MEIS1: variants seen among roughly 807,000 people sequenced by gnomAD.
The protein encoded by MEIS1 is Meis homeobox 1.
Under a neutral mutation model 50.8 loss-of-function variants are expected in MEIS1, and 5 were observed. That is an observed-to-expected ratio of 0.10 (90% CI 0.05 to 0.21). The LOEUF is 0.21. Ranked by LOEUF, MEIS1 falls within the 10% of genes least tolerant of loss-of-function variation. MEIS1 has a pLI of 1.00. For synonymous variants in MEIS1, 176 were observed against 179.3 expected, an observed-to-expected ratio of 0.98 and a Z score of 0.15; for missense variants, 318 against 517.3, an observed-to-expected ratio of 0.61 and a Z score of 3.74.
At chr2:66,547,885 A>G (rs367929915) in intron 8 of MEIS1, 58 bp from the exon 9 acceptor site, 536 of 1,549,780 alleles carry the variant, frequency 3.5e-4, no homozygotes, top group South Asian at 1.8e-3. Context: ...CACTTAGGCT[A>G]TTGACAAAAT....
At chr2:66,547,382 C>T (rs962538086) in intron 8 of MEIS1, among the ~76,000 whole-genome samples, 1 of 152,014 alleles carries the variant, frequency 6.6e-6, no homozygotes, top group African/African-American at 2.4e-5. Context: ...TGGAAACCAA[C>T]ATTGGTGAAT....
chr2:66,502,370 C>T (rs1673579585), intron 7 of MEIS1, among the ~76,000 whole-genome samples: 1 of 152,144 alleles, frequency 6.6e-6, no homozygotes, highest in Non-Finnish European at 1.5e-5. Context: ...ATTAAAAAAA[C>T]AAATCCCAAT....
intron 7 of MEIS1, among the ~76,000 whole-genome samples, chr2:66,501,585 C>A (rs1673558549): frequency 6.9e-6 from 1 of 145,160 alleles, no homozygotes; most frequent in Admixed American, 6.9e-5. Context: ...GAATTCAAGT[C>A]AAAAAGTAAT....
At chr2:66,450,673 T>C (rs576512943) in intron 6 of MEIS1, among the ~76,000 whole-genome samples, 35 of 152,230 alleles carry the variant, frequency 2.3e-4, no homozygotes, top group African/African-American at 7.7e-4. Flanking sequence ...TTAGAAGATA[T>C]CAGTAAATAA....
intron 6 of MEIS1, among the ~76,000 whole-genome samples, chr2:66,456,109 T>C (rs1029380885): frequency 2.0e-5 from 3 of 152,180 alleles, no homozygotes; most frequent in African/African-American, 7.2e-5. Flanking sequence ...GATTCAATGT[T>C]TGAAAAATTA....
intron 7 of MEIS1, among the ~76,000 whole-genome samples, chr2:66,472,872 A>G (rs1378406947): frequency 2.6e-5 from 4 of 152,212 alleles, no homozygotes; most frequent in Non-Finnish European, 5.9e-5. Context: ...CACCGCCATT[A>G]GTCACCTGGC....
intron 6 of MEIS1, among the ~76,000 whole-genome samples, chr2:66,447,366 G>C (rs1246607679): frequency 6.6e-6 from 1 of 152,222 alleles, no homozygotes; most frequent in Non-Finnish European, 1.5e-5. Flanking sequence ...GGACTTGCAA[G>C]TGATAAAGTC....
At chr2:66,461,850 A>G (rs926615472) in intron 6 of MEIS1, 2 of 470,658 alleles carry the variant, frequency 4.2e-6, no homozygotes, top group African/African-American at 4.0e-5. Context: ...TTCATGGTGA[A>G]TTAAGTGGTG....
At chr2:66,494,676 A>T (rs2103814340) in intron 7 of MEIS1, among the ~76,000 whole-genome samples, 1 of 152,314 alleles carries the variant, frequency 6.6e-6, no homozygotes, top group Middle Eastern at 3.4e-3. Context: ...ATAGTCAGGG[A>T]ATGTTTTACA....
At chr2:66,553,410 A>G (rs1022373112) in intron 9 of MEIS1, among the ~76,000 whole-genome samples, 3 of 152,236 alleles carry the variant, frequency 2.0e-5, no homozygotes, top group Non-Finnish European at 4.4e-5. Context: ...AATTCTAATA[A>G]TATTACCTTT....
chr2:66,437,883 A>G lies in MEIS1; in HGVS notation c.159A>G (p.Thr53=). The G allele has an allele frequency of 6.2e-7, 1 of 1,611,912 alleles. No individual in the cohort carries two copies. Among genetic ancestry groups the G allele is most frequent in the Non-Finnish European group, 8.5e-7 (1 of 1,178,946 alleles). The change falls in exon 2 of 13, where the codon ACA becomes ACG. Residue 53 remains threonine, a synonymous_variant. Coordinates refer to ENST00000272369, the MANE Select transcript of MEIS1 (RefSeq NM_002398.3). Reference sequence around the variant, plus strand: ...TGCACTCGCATCAGTACCCGCACACAGCTCATACCAACGCCATGGCCCCCA... The same window carrying G: ...TGCACTCGCATCAGTACCCGCACACGGCTCATACCAACGCCATGGCCCCCA... ...PPLHSHQYPH[T]AHTNAMAPSM... is the part of the protein sequence containing the mutation.
intron 7 of MEIS1, among the ~76,000 whole-genome samples, chr2:66,501,627 CA>C (rs1673559516): frequency 6.9e-6 from 1 of 145,830 alleles, no homozygotes; most frequent in Non-Finnish European, 1.5e-5. Flanking sequence ...ATTCCTATCT[CA>C]AAAGAACAAA....
At chr2:66,489,381 ACT>A (rs747603904) in intron 7 of MEIS1, among the ~76,000 whole-genome samples, 2 of 152,102 alleles carry the variant, frequency 1.3e-5, no homozygotes, top group African/African-American at 4.8e-5. Flanking sequence ...TAGTTGAAAC[ACT>A]CTATATTTCA....
At chr2:66,459,020 G>A (rs192516820) in intron 6 of MEIS1, among the ~76,000 whole-genome samples, 107 of 152,290 alleles carry the variant, frequency 7.0e-4, no homozygotes, top group African/African-American at 2.5e-3. Context: ...TAGAATTGTA[G>A]ACAGGCACAG....
In MEIS1 at chr2:66,510,365, T is replaced by A. The variant is rs142875454; in HGVS notation, c.743-1784T>A. Among the ~76,000 whole-genome samples, 30 of 152,250 alleles carry A rather than the reference T, an allele frequency of 2.0e-4. No homozygotes were observed. The East Asian group carries it at 5.8e-3, about 29-fold the overall frequency. ...CTGGAACAGCACAGACCCCAGTAGT[T>A]CCATGCCAGGGTACATGACCTTGGC... On this transcript the variant is annotated intron_variant, in intron 7 of 12. Transcript: ENST00000272369.
At chr2:66,465,919 A>G (rs891811096) in intron 7 of MEIS1, among the ~76,000 whole-genome samples, 1 of 152,200 alleles carries the variant, frequency 6.6e-6, no homozygotes, top group African/African-American at 2.4e-5. Flanking sequence ...CCAAAGGCCT[A>G]TTTAATAATT....
At chr2:66,436,774 C>T (rs1335389456) in intron 1 of MEIS1, 1 of 643,976 alleles carries the variant, frequency 1.6e-6, no homozygotes, top group East Asian at 1.4e-4. Flanking sequence ...TCAGCGCCTC[C>T]AAATCTTGGG....
At chr2:66,542,238 T>G (rs1183396552) in intron 8 of MEIS1, among the ~76,000 whole-genome samples, 4 of 152,156 alleles carry the variant, frequency 2.6e-5, no homozygotes, top group Non-Finnish European at 5.9e-5. Context: ...CAGTAGAAGT[T>G]TTAAAAGAGC....
chr2:66,532,659 T>G (rs1674422469), intron 8 of MEIS1, among the ~76,000 whole-genome samples: 1 of 152,212 alleles, frequency 6.6e-6, no homozygotes, highest in Non-Finnish European at 1.5e-5. Flanking sequence ...TAGTTTCCCT[T>G]TGTTATTAAA....
Sources: gnomAD v4.1 joint callset for allele counts (sites outside exome capture counted in the v4.1 genomes callset) on GRCh38, gnomAD v4.1.1 for gene constraint, MANE v1.5 for transcripts, NCBI Gene and HGNC (gene_info 2026-07-23, HGNC 2026-07-21) for gene names.